The following SLC16A7 variants were observed in gnomAD, a reference collection of about 807,000 sequenced individuals.
SLC16A7 encodes the protein monocarboxylate transporter 2.
Under a neutral mutation model 34.9 loss-of-function variants are expected in SLC16A7, and 33 were observed. The ratio of observed to expected loss-of-function variants is 0.94; its 90% CI spans 0.72 to 1.26. The LOEUF (loss-of-function observed/expected upper bound fraction) is 1.26, where lower values mean the gene tolerates loss of function less well. SLC16A7 is among the 50% of genes most tolerant of loss of function. The pLI is 0.00. For synonymous variants in SLC16A7, 201 were observed against 206.6 expected, an observed-to-expected ratio of 0.97 and a Z score of 0.23; for missense variants, 573 against 578.1, an observed-to-expected ratio of 0.99 and a Z score of 0.09.
At chr12:59,731,275 T>C (rs899596509) in intron 3 of SLC16A7, among the ~76,000 whole-genome samples, 1 of 152,226 alleles carries the variant, frequency 6.6e-6, no homozygotes, top group African/African-American at 2.4e-5. Flanking sequence ...ACATTTTACA[T>C]TTGTATGGCA....
At chr12:59,657,380 A>C (rs1868590186) in intron 2 of SLC16A7, among the ~76,000 whole-genome samples, 1 of 151,936 alleles carries the variant, frequency 6.6e-6, no homozygotes, top group Non-Finnish European at 1.5e-5. Flanking sequence ...GTTCTGTCTT[A>C]GCTGTTTTAT....
At chr12:59,723,798 A>G (rs1212514500) in intron 3 of SLC16A7, among the ~76,000 whole-genome samples, 1 of 151,970 alleles carries the variant, frequency 6.6e-6, no homozygotes. Context: ...GCTATTTTCT[A>G]TTACAAAATT....
intron 1 of SLC16A7, among the ~76,000 whole-genome samples, chr12:59,653,410 C>G (rs1188108336): frequency 6.6e-6 from 1 of 151,338 alleles, no homozygotes; most frequent in East Asian, 1.9e-4. Flanking sequence ...TGGATTACAG[C>G]AAAAATACCA....
Position 59,664,478 on chromosome 12 carries a change from T to C in SLC16A7, c.-31+9228T>C, listed in dbSNP as rs146450298. Among the ~76,000 whole-genome samples the C allele has an allele frequency of 3.9e-3, 600 of 152,268 alleles. 8 individuals are homozygous for C. The highest frequency in any genetic ancestry group is 0.013 in the African/African-American group (522 of 41,552). On this transcript the variant is annotated intron_variant, in intron 2 of 5. Transcript: ENST00000547379. Reference sequence around the variant, plus strand: ...AACACTTTGACCCTGGCCTCTTTGTTATTGTTCATAACTTACAAATTACCT... The same window carrying C: ...AACACTTTGACCCTGGCCTCTTTGTCATTGTTCATAACTTACAAATTACCT...
chr12:59,746,552 A>G (rs532488486), intron 3 of SLC16A7, among the ~76,000 whole-genome samples: 1 of 152,296 alleles, frequency 6.6e-6, no homozygotes, highest in African/African-American at 2.4e-5. Context: ...TTCACATTTA[A>G]CGTTGAGCTG....
intron 3 of SLC16A7, among the ~76,000 whole-genome samples, chr12:59,755,829 A>T (rs1485976150): frequency 6.6e-6 from 1 of 152,200 alleles, no homozygotes; most frequent in Non-Finnish European, 1.5e-5. Context: ...ACAAAGCTGG[A>T]GGCATCACGC....
chr12:59,711,029 A>T (rs1874168253), intron 3 of SLC16A7, among the ~76,000 whole-genome samples: 1 of 152,184 alleles, frequency 6.6e-6, no homozygotes, highest in Non-Finnish European at 1.5e-5. Flanking sequence ...CTCATATTTC[A>T]GCTCAAATTT....
At chr12:59,647,656 A>G (rs913778487) in intron 1 of SLC16A7, among the ~76,000 whole-genome samples, 1 of 152,164 alleles carries the variant, frequency 6.6e-6, no homozygotes, top group Non-Finnish European at 1.5e-5. Flanking sequence ...GAAGAAAATG[A>G]ATGAAGGACT....
chr12:59,708,714 C>T (rs1185721104), intron 3 of SLC16A7, among the ~76,000 whole-genome samples: 1 of 148,908 alleles, frequency 6.7e-6, no homozygotes, highest in Non-Finnish European at 1.5e-5. Context: ...TGTTCAGAGG[C>T]CTGGCCTGTG....
intron 2 of SLC16A7, chr12:59,696,527 A>T (rs1249371742): frequency 2.0e-5 from 3 of 152,068 alleles, no homozygotes; most frequent in Non-Finnish European, 4.4e-5. Flanking sequence ...ATCAACACGT[A>T]AAACTATACT....
intron 3 of SLC16A7, chr12:59,763,960 C>T (rs1002218584): frequency 2.0e-5 from 3 of 152,152 alleles, no homozygotes; most frequent in African/African-American, 7.2e-5. Flanking sequence ...CCTAGGGCCT[C>T]TCTACTGTCT....
chr12:59,745,169 C>T (rs1266543910), intron 3 of SLC16A7, among the ~76,000 whole-genome samples: 2 of 152,154 alleles, frequency 1.3e-5, no homozygotes, highest in Non-Finnish European at 2.9e-5. Context: ...GTGCCAGGAG[C>T]AATCAGACAA....
intron 3 of SLC16A7, among the ~76,000 whole-genome samples, chr12:59,744,824 G>A (rs1878717968): frequency 1.3e-5 from 2 of 152,150 alleles, no homozygotes; most frequent in Non-Finnish European, 2.9e-5. Context: ...AAAAGCGCTT[G>A]CCCCAACTCC....
At chr12:59,699,472 C>A (rs543174885) in intron 2 of SLC16A7, among the ~76,000 whole-genome samples, 13 of 151,714 alleles carry the variant, frequency 8.6e-5, no homozygotes, top group Non-Finnish European at 1.8e-4. Context: ...ACAAGGAGAA[C>A]TCTTATGCAC....
chr12:59,627,491 T>C lies in SLC16A7; in HGVS notation c.-129-27661T>C, dbSNP rs140207902. On this transcript the variant is annotated intron_variant, in intron 1 of 5. Coordinates refer to ENST00000547379, the MANE Select transcript of SLC16A7 (RefSeq NM_001270623.2). Reference sequence around the variant, plus strand: ...GTCTGCTATTTGTTATTAATTTTGCTAAAAACAGGCTTTAGCCTGCTGAGG... The same window carrying C: ...GTCTGCTATTTGTTATTAATTTTGCCAAAAACAGGCTTTAGCCTGCTGAGG... 3.1e-3 allele frequency among the ~76,000 whole-genome samples: 473 copies of C among 151,108 alleles called. 4 individuals carry two copies. The highest frequency in any genetic ancestry group is 0.011 in the African/African-American group (466 of 41,520).
At chr12:59,756,134 G>T (rs1270689086) in intron 3 of SLC16A7, among the ~76,000 whole-genome samples, 3 of 152,112 alleles carry the variant, frequency 2.0e-5, no homozygotes, top group African/African-American at 7.2e-5. Flanking sequence ...TTAAACGTTA[G>T]ACCTAAAACC....
At chr12:59,705,430 A>G (rs1368783428) in intron 3 of SLC16A7, among the ~76,000 whole-genome samples, 1 of 152,186 alleles carries the variant, frequency 6.6e-6, no homozygotes, top group South Asian at 2.1e-4. Flanking sequence ...AAGCCCAGAA[A>G]GTACATCACT....
chr12:59,675,953 C>A (rs1404991719), intron 2 of SLC16A7, among the ~76,000 whole-genome samples: 1 of 152,032 alleles, frequency 6.6e-6, no homozygotes, highest in Non-Finnish European at 1.5e-5. Flanking sequence ...CTAAATATTT[C>A]TTTAAATCTT....
chr12:59,713,038 G>C (rs1874435652), intron 3 of SLC16A7, among the ~76,000 whole-genome samples: 1 of 146,072 alleles, frequency 6.8e-6, no homozygotes, highest in African/African-American at 2.5e-5. Flanking sequence ...TTTCTTTTTT[G>C]AGATGTAGTC....
Sources: allele counts gnomAD v4.1 joint callset (sites outside exome capture counted in the v4.1 genomes callset), GRCh38; gene constraint gnomAD v4.1.1; transcripts MANE v1.5; gene names NCBI Gene and HGNC (gene_info 2026-07-23, HGNC 2026-07-21).